The following ZBTB7C variants were observed in gnomAD, a reference collection of about 807,000 sequenced individuals.
ZBTB7C encodes zinc finger and BTB domain-containing protein 7C.
In ZBTB7C, 8 loss-of-function variants were observed where a neutral mutation model predicts 25.7. The ratio of observed to expected loss-of-function variants is 0.31; its 90% CI spans 0.18 to 0.56. ZBTB7C has a LOEUF of 0.56. Among genes scored for constraint, ZBTB7C ranks in the 20% least tolerant of loss-of-function variants. The pLI, the probability that ZBTB7C is intolerant of heterozygous loss-of-function variation, is 0.91. For missense variants in ZBTB7C, 824 were observed against 855.2 expected (o/e 0.96, Z 0.46); for synonymous variants, 394 against 369.0 (o/e 1.07, Z -0.78).
chr18:48,238,419 T>C (rs1305822670), intron 2 of ZBTB7C, among the ~76,000 whole-genome samples: 1 of 152,180 alleles, frequency 6.6e-6, no homozygotes, highest in Non-Finnish European at 1.5e-5. Flanking sequence ...AGGAAGCGGC[T>C]TGCCACTGCA....
chr18:48,340,374 C>T (rs574509972), intron 1 of ZBTB7C, among the ~76,000 whole-genome samples: 94 of 152,322 alleles, frequency 6.2e-4, no homozygotes, highest in African/African-American at 2.0e-3. Flanking sequence ...TAAGTGCCCA[C>T]CTCTAGTCAA....
At chr18:48,195,751 G>A (rs919522762) in intron 2 of ZBTB7C, among the ~76,000 whole-genome samples, 4 of 151,790 alleles carry the variant, frequency 2.6e-5, no homozygotes, top group Non-Finnish European at 4.4e-5. Context: ...ACAACCTTCC[G>A]CAGTTGTTTC....
intron 1 of ZBTB7C, among the ~76,000 whole-genome samples, chr18:48,387,726 C>A (rs749740256): frequency 6.6e-6 from 1 of 152,202 alleles, no homozygotes; most frequent in East Asian, 1.9e-4. Context: ...AAGCGGCAAA[C>A]CAGCTGACAG....
At chr18:48,367,346 G>GTATATATATATATA (rs2047264649) in intron 1 of ZBTB7C, among the ~76,000 whole-genome samples, 1 of 81,056 alleles carries the variant, frequency 1.2e-5, no homozygotes, top group African/African-American at 6.0e-5. Flanking sequence ...ATATATGTGT[G>GTATATATATATATA]CATATATATA....
rs148083491 is a variant in ZBTB7C, at chr18:48,029,067, C to T, written c.*193G>A. ...TCCTGGCCTTTTGGGAAAAGATGCC[C>T]GTCTCAGACCAGCAAAAGGAGGCAG... On this transcript the variant is annotated 3_prime_UTR_variant, in exon 5 of 5. Coordinates refer to ENST00000590800, the MANE Select transcript of ZBTB7C (RefSeq NM_001318841.2). The T allele has an allele frequency of 5.0e-6, 4 of 795,356 alleles. No homozygotes were observed. Among genetic ancestry groups the T allele is most frequent in the South Asian group, 4.3e-5 (2 of 46,740 alleles). The allele number at this position is 795,356 out of a possible 1,614,324, so 49.3% of individuals were successfully genotyped here.
At chr18:48,316,562 C>T (rs1012665897) in intron 2 of ZBTB7C, among the ~76,000 whole-genome samples, 1 of 152,252 alleles carries the variant, frequency 6.6e-6, no homozygotes, top group African/African-American at 2.4e-5. Context: ...GTGCCATGCC[C>T]TTGGCAATGA....
chr18:48,266,011 G>T (rs949814655), intron 2 of ZBTB7C, among the ~76,000 whole-genome samples: 2 of 152,156 alleles, frequency 1.3e-5, no homozygotes, highest in Admixed American at 1.3e-4. Context: ...TATAGGAAAT[G>T]CACACTAAAT....
At chr18:48,361,341 G>A (rs1185304204) in intron 1 of ZBTB7C, among the ~76,000 whole-genome samples, 2 of 152,262 alleles carry the variant, frequency 1.3e-5, no homozygotes, top group South Asian at 4.1e-4. Flanking sequence ...TTTGACAGAC[G>A]AGGAAGCTGA....
At chr18:48,244,986 C>G (rs1455603255) in intron 2 of ZBTB7C, among the ~76,000 whole-genome samples, 3 of 151,670 alleles carry the variant, frequency 2.0e-5, no homozygotes, top group Non-Finnish European at 4.4e-5. Context: ...GAAAAAGACA[C>G]TTCTACATGC....
At chr18:48,353,883 G>T (rs183962279) in intron 1 of ZBTB7C, among the ~76,000 whole-genome samples, 5 of 152,306 alleles carry the variant, frequency 3.3e-5, no homozygotes, top group Admixed American at 1.3e-4. Context: ...CCCAGGAGGG[G>T]GGTCCAAAGG....
chr18:48,169,812 G>C (rs374524673), intron 3 of ZBTB7C: 1 of 152,228 alleles, frequency 6.6e-6, no homozygotes, highest in Non-Finnish European at 1.5e-5. Context: ...ACGAATTTGC[G>C]TGTCATCCTT....
At chr18:48,087,771 A>C (rs563540567) in intron 3 of ZBTB7C, 1 of 144,998 alleles carries the variant, frequency 6.9e-6, no homozygotes, top group East Asian at 2.1e-4. Flanking sequence ...CTCCAGGCTC[A>C]CCTGGGCAAC....
At chr18:48,196,291 G>C (rs1318782106) in intron 2 of ZBTB7C, among the ~76,000 whole-genome samples, 1 of 152,158 alleles carries the variant, frequency 6.6e-6, no homozygotes, top group East Asian at 1.9e-4. Context: ...CTCTCCAGAT[G>C]CCTTTCCCCT....
chr18:48,244,230 A>C (rs1364254481), intron 2 of ZBTB7C, among the ~76,000 whole-genome samples: 1 of 152,194 alleles, frequency 6.6e-6, no homozygotes, highest in East Asian at 1.9e-4. Flanking sequence ...TCTGGCTAAC[A>C]TGGTGAAACC....
chr18:48,065,892 C>T (rs1471128687), intron 3 of ZBTB7C, among the ~76,000 whole-genome samples: 1 of 152,150 alleles, frequency 6.6e-6, no homozygotes, highest in African/African-American at 2.4e-5. Flanking sequence ...AGCTCATCTT[C>T]CAATACACCC....
chr18:48,250,791 T>TTA (rs1568330842), intron 2 of ZBTB7C, among the ~76,000 whole-genome samples: 1 of 151,982 alleles, frequency 6.6e-6, no homozygotes, highest in Non-Finnish European at 1.5e-5. Flanking sequence ...TTTTTTTTTT[T>TTA]TATATCCAGT....
At chr18:48,166,003 A>AT (rs1179618877) in intron 3 of ZBTB7C, among the ~76,000 whole-genome samples, 1 of 152,104 alleles carries the variant, frequency 6.6e-6, no homozygotes, top group Non-Finnish European at 1.5e-5. Context: ...TTTTTCCCAG[A>AT]TTTTTTTGAC....
chr18:48,219,359 C>G (rs1374823142), intron 2 of ZBTB7C, among the ~76,000 whole-genome samples: 1 of 152,220 alleles, frequency 6.6e-6, no homozygotes, highest in Non-Finnish European at 1.5e-5. Context: ...GATGACAACA[C>G]TAACATCTGA....
intron 3 of ZBTB7C, among the ~76,000 whole-genome samples, chr18:48,134,565 T>C (rs1239143126): frequency 6.6e-6 from 1 of 152,178 alleles, no homozygotes; most frequent in Non-Finnish European, 1.5e-5. Context: ...TTGGCTTTGC[T>C]ACCAACAAGT....
Sources: gnomAD v4.1 joint callset for allele counts (sites outside exome capture counted in the v4.1 genomes callset) on GRCh38, gnomAD v4.1.1 for gene constraint, MANE v1.5 for transcripts, NCBI Gene and HGNC (gene_info 2026-07-23, HGNC 2026-07-21) for gene names.